The following BMERB1 variants were observed in gnomAD, a reference collection of about 807,000 sequenced individuals.
BMERB1 encodes the protein bMERB domain-containing protein 1.
A neutral mutation model predicts 23.6 loss-of-function variants in BMERB1; 12 were observed. The ratio of observed to expected loss-of-function variants is 0.51; its 90% CI spans 0.33 to 0.82. BMERB1 has a LOEUF of 0.82. Ranked by LOEUF, BMERB1 falls within the 40% of genes least tolerant of loss-of-function variation. The probability of loss-of-function intolerance (pLI) is 0.03; values close to 1 mark genes in which losing one functional copy is unlikely to be tolerated. For missense variants in BMERB1, 247 were observed against 255.4 expected, an observed-to-expected ratio of 0.97 and a Z score of 0.22; for synonymous variants, 122 against 96.6, an observed-to-expected ratio of 1.26 and a Z score of -1.54.
intron 1 of BMERB1, among the ~76,000 whole-genome samples, chr16:15,482,974 G>GA (rs1178273932): frequency 1.3e-5 from 2 of 151,956 alleles, no homozygotes; most frequent in African/African-American, 4.8e-5. Flanking sequence ...AAAACACATA[G>GA]AAAAAAATCA....
rs10706909 is a variant in BMERB1, at chr16:15,588,060, TAAAAAA to T, written c.*1240_*1245del. On this transcript the variant is annotated 3_prime_UTR_variant, in exon 6 of 6. Transcript: ENST00000300006. ...ACAAAAAGTATGAAGAAGTTTGTCT[TAAAAAA>T]AAAAAAAATTATTCCTCCAACTAGA... The T allele has an allele frequency of 6.7e-6, 1 of 149,790 alleles. No homozygotes were observed. The highest frequency in any genetic ancestry group is 1.5e-5 in the Non-Finnish European group (1 of 67,350). 9.3% of individuals were successfully genotyped at this position (149,790 alleles called of 1,614,324 possible).
intron 1 of BMERB1, among the ~76,000 whole-genome samples, chr16:15,514,092 G>A (rs763827982): frequency 5.9e-5 from 9 of 151,660 alleles, no homozygotes; most frequent in Non-Finnish European, 1.2e-4. Context: ...GCAACATAGT[G>A]ACACCCCCAT....
chr16:15,539,849 A>G (rs190858003), intron 2 of BMERB1, among the ~76,000 whole-genome samples: 82 of 152,062 alleles, frequency 5.4e-4, no homozygotes, highest in South Asian at 1.9e-3. Flanking sequence ...CTCAAAAAAA[A>G]AAAAAGAAAA....
intron 3 of BMERB1, among the ~76,000 whole-genome samples, chr16:15,580,747 C>G (rs957000293): frequency 6.6e-5 from 10 of 151,656 alleles, no homozygotes; most frequent in South Asian, 6.2e-4. Flanking sequence ...GGGTTCCACC[C>G]TGTTAGCCAG....
intron 1 of BMERB1, among the ~76,000 whole-genome samples, chr16:15,497,879 C>T (rs2051489141): frequency 6.6e-6 from 1 of 152,180 alleles, no homozygotes; most frequent in South Asian, 2.1e-4. Context: ...TCTCCTGCCC[C>T]CGGGTTCCTG....
intron 2 of BMERB1, among the ~76,000 whole-genome samples, chr16:15,545,082 C>T (rs552491670): frequency 6.6e-6 from 1 of 152,256 alleles, no homozygotes; most frequent in Non-Finnish European, 1.5e-5. Context: ...AAGCAATTCT[C>T]CCGCCTCAGC....
At chr16:15,502,246 C>A in intron 1 of BMERB1, 1 of 1,524,476 alleles carries the variant, frequency 6.6e-7, no homozygotes, top group Non-Finnish European at 8.9e-7. Context: ...AAAAAATGTG[C>A]TTGAGGTGCC....
chr16:15,527,480 C>T (rs891417804), intron 2 of BMERB1, among the ~76,000 whole-genome samples: 4 of 152,158 alleles, frequency 2.6e-5, no homozygotes, highest in African/African-American at 9.7e-5. Flanking sequence ...TGGCGCACAC[C>T]TGTAGTCCCA....
intron 1 of BMERB1, among the ~76,000 whole-genome samples, chr16:15,496,999 G>T (rs767977221): frequency 1.3e-5 from 2 of 152,228 alleles, no homozygotes; most frequent in African/African-American, 4.8e-5. Flanking sequence ...GCCAAGGAAT[G>T]TAGGTGGCCA....
chr16:15,546,253 A>G (rs2029906450), intron 2 of BMERB1, among the ~76,000 whole-genome samples: 1 of 152,192 alleles, frequency 6.6e-6, no homozygotes, highest in Non-Finnish European at 1.5e-5. Flanking sequence ...AAGCAACTGC[A>G]CTCCAGCCTA....
chr16:15,571,797 C>T (rs569629999), intron 3 of BMERB1, among the ~76,000 whole-genome samples: 12 of 152,254 alleles, frequency 7.9e-5, no homozygotes, highest in East Asian at 1.9e-4. Context: ...TATAAATCAT[C>T]GTCCCTCCGC....
In BMERB1 at chr16:15,515,233, G is replaced by C. The variant is rs2051733040; in HGVS notation, c.107-72G>C. Reference sequence around the variant, plus strand: ...GGTCGCAGAGCAAGGCTGTGCCCTGGAACCATGTCAGGGTCTGTCCCATGG... The same window carrying C: ...GGTCGCAGAGCAAGGCTGTGCCCTGCAACCATGTCAGGGTCTGTCCCATGG... On this transcript the variant is annotated intron_variant, in intron 1 of 5. Transcript: ENST00000300006. The C allele has an allele frequency of 5.6e-6, 9 of 1,602,664 alleles. No individual in the cohort carries two copies. In the Admixed American group the frequency reaches 1.2e-4, roughly 21 times the overall value.
chr16:15,526,153 C>T (rs996128756), intron 2 of BMERB1, among the ~76,000 whole-genome samples: 1 of 152,280 alleles, frequency 6.6e-6, no homozygotes, highest in East Asian at 1.9e-4. Context: ...TAGGACATTT[C>T]TATTGTTGTA....
chr16:15,472,434 G>A (rs2051237095), intron 1 of BMERB1, among the ~76,000 whole-genome samples: 1 of 152,186 alleles, frequency 6.6e-6, no homozygotes, highest in South Asian at 2.1e-4. Flanking sequence ...CAGACTCTCT[G>A]TTGTTTGGTG....
intron 2 of BMERB1, among the ~76,000 whole-genome samples, chr16:15,564,622 T>C (rs900238708): frequency 6.6e-6 from 1 of 152,188 alleles, no homozygotes; most frequent in African/African-American, 2.4e-5. Flanking sequence ...ACAAGACAAA[T>C]GCTAGTGTGT....
Position 15,571,247 on chromosome 16 carries a change from CA to C in BMERB1, c.304+3192del, listed in dbSNP as rs546079749. ...TTGCTGAATGTACCCCAAGCGAGGTCAGGGGGGTGTGCAACATTGCCCTATG... is the reference window on the plus strand; with the variant it reads ...TTGCTGAATGTACCCCAAGCGAGGTCGGGGGGTGTGCAACATTGCCCTATG... On this transcript the variant is annotated intron_variant, in intron 3 of 5. Transcript: ENST00000300006. Among the ~76,000 whole-genome samples the C allele has an allele frequency of 1.4e-4, 22 of 152,208 alleles. No individual in the cohort carries two copies. In the East Asian group the frequency reaches 3.7e-3, roughly 25 times the overall value.
At chr16:15,557,670 C>T (rs915189363) in intron 2 of BMERB1, among the ~76,000 whole-genome samples, 3 of 152,156 alleles carry the variant, frequency 2.0e-5, no homozygotes, top group Non-Finnish European at 4.4e-5. Flanking sequence ...TTCCAAGGAT[C>T]TGGAAACTGC....
chr16:15,485,292 A>G lies in BMERB1; in HGVS notation c.107-30013A>G, dbSNP rs141922878. Among the ~76,000 whole-genome samples the G allele has an allele frequency of 2.5e-3, 374 of 152,308 alleles. 3 individuals carry two copies. Among genetic ancestry groups the G allele is most frequent in the African/African-American group, 8.1e-3 (337 of 41,566 alleles). ...TGGATGGGGCAAAAAATCAGGTGTC[A>G]TTCAAAGTTCACTAGGCTTAGGGAG... On this transcript the variant is annotated intron_variant, in intron 1 of 5. Transcript: ENST00000300006.
At chr16:15,555,933 A>C (rs1054667128) in intron 2 of BMERB1, among the ~76,000 whole-genome samples, 3 of 152,208 alleles carry the variant, frequency 2.0e-5, no homozygotes, top group Admixed American at 1.3e-4. Context: ...TAATCCCAGC[A>C]CTTTGGGAAG....
Sources: gnomAD v4.1 joint callset for allele counts (sites outside exome capture counted in the v4.1 genomes callset) on GRCh38, gnomAD v4.1.1 for gene constraint, MANE v1.5 for transcripts, NCBI Gene and HGNC (gene_info 2026-07-23, HGNC 2026-07-21) for gene names.